The following TAFA1 variants were observed in gnomAD, a reference collection of about 807,000 sequenced individuals.
TAFA1 encodes chemokine-like protein TAFA-1.
A neutral mutation model predicts 18.5 loss-of-function variants in TAFA1; 4 were observed. The ratio of observed to expected loss-of-function variants is 0.22; its 90% CI spans 0.11 to 0.49. TAFA1 has a LOEUF of 0.49. TAFA1 is among the 20% of genes least tolerant of loss of function. TAFA1 has a pLI of 0.98. For synonymous variants in TAFA1, 56 were observed against 55.2 expected, an observed-to-expected ratio of 1.01 and a Z score of -0.06; for missense variants, 147 against 169.0, an observed-to-expected ratio of 0.87 and a Z score of 0.72.
chr3:68,050,862 CAGTAAAACTTGATT>C (rs2064462913), intron 2 of TAFA1, among the ~76,000 whole-genome samples: 1 of 152,132 alleles, frequency 6.6e-6, no homozygotes, highest in South Asian at 2.1e-4. Flanking sequence ...GGCTGCTTTC[CAGTAAAACTTGATT>C]TGCTAAAACA....
chr3:68,142,142 G>T (rs534612957), intron 2 of TAFA1, among the ~76,000 whole-genome samples: 12 of 152,128 alleles, frequency 7.9e-5, no homozygotes, highest in Non-Finnish European at 4.4e-5. Flanking sequence ...TTATCTCCAG[G>T]GTAGTTTTGT....
At position 68,036,322 on chromosome 3, in the gene TAFA1, C is replaced by G. The variant is rs1364166685; in HGVS notation, c.118+29578C>G. 3.3e-5 allele frequency among the ~76,000 whole-genome samples: 5 copies of G among 151,430 alleles called. No individual in the cohort carries two copies. In the South Asian group the frequency reaches 1.0e-3, roughly 32 times the overall value. ...TGCATGGTGGTGTGCACCTGTAATC[C>G]CAGCTACTCAGGAGGCTGAGGCAGG... On this transcript the variant is annotated intron_variant, in intron 2 of 4. Transcript: ENST00000478136.
rs142748378 is a variant in TAFA1 at position 68,504,351 on chromosome 3, G to A, written c.260-34405G>A. Among the ~76,000 whole-genome samples, 10 of 152,216 alleles carry A rather than the reference G, an allele frequency of 6.6e-5. No individual in the cohort carries two copies. The East Asian group carries it at 1.9e-3, about 30-fold the overall frequency. On this transcript the variant is annotated intron_variant, in intron 3 of 4. Transcript: ENST00000478136. Reference sequence around the variant, plus strand: ...ACATGAATTGCTCCAAGCACAAATTGTTCCCAGAGCAAGCAGTATGCATTT... The same window carrying A: ...ACATGAATTGCTCCAAGCACAAATTATTCCCAGAGCAAGCAGTATGCATTT...
chr3:68,081,470 G>T (rs1205666518), intron 2 of TAFA1, among the ~76,000 whole-genome samples: 1 of 151,698 alleles, frequency 6.6e-6, no homozygotes, highest in Non-Finnish European at 1.5e-5. Flanking sequence ...TTTGATGATG[G>T]TGATGTACAG....
chr3:68,022,400 C>T (rs1037546975), intron 2 of TAFA1, among the ~76,000 whole-genome samples: 1 of 152,116 alleles, frequency 6.6e-6, no homozygotes, highest in African/African-American at 2.4e-5. Flanking sequence ...ACAGGACAGA[C>T]ATTCTTGTCT....
intron 2 of TAFA1, among the ~76,000 whole-genome samples, chr3:68,249,149 G>A (rs2067142246): frequency 6.6e-6 from 1 of 152,020 alleles, no homozygotes; most frequent in Non-Finnish European, 1.5e-5. Flanking sequence ...AATTCAAATG[G>A]TCATAAGCAC....
intron 2 of TAFA1, among the ~76,000 whole-genome samples, chr3:68,103,687 A>G (rs1346039023): frequency 6.6e-6 from 1 of 152,112 alleles, no homozygotes; most frequent in Non-Finnish European, 1.5e-5. Context: ...CGCTACTACC[A>G]TCACCACCAC....
chr3:68,404,424 G>A (rs1391092721), intron 2 of TAFA1, among the ~76,000 whole-genome samples: 1 of 152,178 alleles, frequency 6.6e-6, no homozygotes, highest in Non-Finnish European at 1.5e-5. Flanking sequence ...AGTTTATTTA[G>A]GAGGTGGTTA....
intron 2 of TAFA1, among the ~76,000 whole-genome samples, chr3:68,386,531 T>C (rs1049130884): frequency 6.6e-6 from 1 of 152,136 alleles, no homozygotes; most frequent in African/African-American, 2.4e-5. Context: ...GCTATGCACA[T>C]GATCTAGCCT....
At position 68,422,454 on chromosome 3, in the gene TAFA1, T is replaced by C. The variant is rs182196177; in HGVS notation, c.259+5034T>C. The stretch of plus-strand genomic sequence containing the variant: ...CCCATGGTAAGTGTTCCAATTGCTC[T>C]TATTTGCCTTCCTCTGAAATTTCAG... On this transcript the variant is annotated intron_variant, in intron 3 of 4. Coordinates refer to ENST00000478136, the MANE Select transcript of TAFA1 (RefSeq NM_213609.4). Among the ~76,000 whole-genome samples the C allele has an allele frequency of 2.1e-4, 32 of 152,260 alleles. No homozygotes were observed. The East Asian group carries it at 3.5e-3, about 17-fold the overall frequency.
chr3:68,272,979 A>G (rs2067704957), intron 2 of TAFA1, among the ~76,000 whole-genome samples: 1 of 152,090 alleles, frequency 6.6e-6, no homozygotes, highest in African/African-American at 2.4e-5. Flanking sequence ...TTCTGTCCGT[A>G]TCTCTATGCT....
chr3:68,122,928 CAT>C (rs150309137), intron 2 of TAFA1, among the ~76,000 whole-genome samples: 1,973 of 151,570 alleles, frequency 0.013, 39 homozygotes, highest in African/African-American at 0.044. Context: ...TACACACACA[CAT>C]ACACCAAATT....
intron 3 of TAFA1, among the ~76,000 whole-genome samples, chr3:68,513,121 TTA>T (rs2072874003): frequency 6.6e-6 from 1 of 152,120 alleles, no homozygotes; most frequent in South Asian, 2.1e-4. Context: ...CCAGGTTTTT[TTA>T]TGATTCCATT....
chr3:68,534,263 T>C (rs763001310), intron 3 of TAFA1, among the ~76,000 whole-genome samples: 1 of 152,182 alleles, frequency 6.6e-6, no homozygotes, highest in Non-Finnish European at 1.5e-5. Flanking sequence ...AGAAGTTTCA[T>C]CTGCATAACA....
chr3:68,142,108 G>C (rs2065673866), intron 2 of TAFA1, among the ~76,000 whole-genome samples: 1 of 152,114 alleles, frequency 6.6e-6, no homozygotes. Flanking sequence ...TGGCATATTG[G>C]GGAAAGATAA....
At chr3:68,254,312 GA>G (rs2067256966) in intron 2 of TAFA1, among the ~76,000 whole-genome samples, 1 of 152,010 alleles carries the variant, frequency 6.6e-6, no homozygotes, top group Non-Finnish European at 1.5e-5. Context: ...TAATTACTGA[GA>G]AAAATATGAA....
rs899874567 is a variant in TAFA1, at chr3:68,425,550, C to T, written c.259+8130C>T. On this transcript the variant is annotated intron_variant, in intron 3 of 4. Transcript: ENST00000478136. Reference sequence around the variant, plus strand: ...CCTTGAAACAGCATTTAGTCCCCAACTTGGCACCTAAGCATGTACAGGTGT... The same window carrying T: ...CCTTGAAACAGCATTTAGTCCCCAATTTGGCACCTAAGCATGTACAGGTGT... Among the ~76,000 whole-genome samples the T allele has an allele frequency of 4.6e-5, 7 of 152,040 alleles. No individual in the cohort carries two copies. In the South Asian group the frequency reaches 1.2e-3, roughly 27 times the overall value.
Position 68,437,728 on chromosome 3 carries a change from A to G in TAFA1, c.259+20308A>G, listed in dbSNP as rs548477499. Among the ~76,000 whole-genome samples the G allele has an allele frequency of 2.6e-5, 4 of 152,250 alleles. No homozygotes were observed. In the South Asian group the frequency reaches 8.3e-4, roughly 32 times the overall value. On this transcript the variant is annotated intron_variant, in intron 3 of 4. Coordinates refer to ENST00000478136, the MANE Select transcript of TAFA1 (RefSeq NM_213609.4). ...TACCCCTTAAAGGCCCCACCTGTCA[A>G]TATTGCCACACTGGGGATTAAGTTT... is the stretch of plus-strand genomic sequence containing the variant.
At chr3:68,520,532 G>C (rs2073004329) in intron 3 of TAFA1, among the ~76,000 whole-genome samples, 1 of 152,190 alleles carries the variant, frequency 6.6e-6, no homozygotes, top group Admixed American at 6.5e-5. Context: ...CTTAATAGTT[G>C]AGTAAAATTG....
Sources: allele counts gnomAD v4.1 joint callset (sites outside exome capture counted in the v4.1 genomes callset), GRCh38; gene constraint gnomAD v4.1.1; transcripts MANE v1.5; gene names NCBI Gene and HGNC (gene_info 2026-07-23, HGNC 2026-07-21).